The following SLC35D4 variants were observed in gnomAD, a reference collection of about 807,000 sequenced individuals.
SLC35D4 encodes the protein UDP-N-acetylglucosamine transporter SLC35D4.
the SLC35D4 span, among the ~76,000 whole-genome samples, chr18:23,409,474 C>A: frequency 5.3e-5 from 8 of 152,152 alleles, no homozygotes; most frequent in Non-Finnish European, 1.2e-4. Context: ...GTATGGTTAC[C>A]CTTAAATATA....
At chr18:23,299,174 C>T in the SLC35D4 span, among the ~76,000 whole-genome samples, 26 of 152,304 alleles carry the variant, frequency 1.7e-4, no homozygotes, top group African/African-American at 5.8e-4. Flanking sequence ...ATCTTGCGTA[C>T]GTTTTCAGCC....
chr18:23,262,497 G>C, the SLC35D4 span, among the ~76,000 whole-genome samples: 11,557 of 152,304 alleles, frequency 0.076, 610 homozygotes, highest in African/African-American at 0.15. Context: ...CCTCCAGTTT[G>C]CTTGGACTGA....
the SLC35D4 span, among the ~76,000 whole-genome samples, chr18:23,432,892 A>G: frequency 6.7e-6 from 1 of 149,914 alleles, no homozygotes; most frequent in Non-Finnish European, 1.5e-5. Context: ...AGGTGGGAGG[A>G]TCACTTAAGC....
At chr18:23,368,918 T>C in the SLC35D4 span, among the ~76,000 whole-genome samples, 2 of 152,218 alleles carry the variant, frequency 1.3e-5, no homozygotes, top group African/African-American at 4.8e-5. Context: ...TACTAGTTCA[T>C]TTTAAATCAC....
the SLC35D4 span, among the ~76,000 whole-genome samples, chr18:23,431,394 C>A: frequency 6.6e-6 from 1 of 152,118 alleles, no homozygotes; most frequent in Non-Finnish European, 1.5e-5. Flanking sequence ...GTCATTCAGA[C>A]AAGTCCCTGG....
At chr18:23,320,129 A>G in the SLC35D4 span, among the ~76,000 whole-genome samples, 97 of 152,318 alleles carry the variant, frequency 6.4e-4, no homozygotes, top group African/African-American at 2.3e-3. Context: ...TTCTTCTAGA[A>G]CTACAATTCC....
chr18:23,276,294 T>G, the SLC35D4 span, among the ~76,000 whole-genome samples: 1 of 152,058 alleles, frequency 6.6e-6, no homozygotes, highest in East Asian at 1.9e-4. Context: ...TTCACCGTGT[T>G]AGCCAGGATG....
the SLC35D4 span, among the ~76,000 whole-genome samples, chr18:23,289,514 G>A: frequency 2.0e-5 from 3 of 151,920 alleles, no homozygotes; most frequent in South Asian, 2.1e-4. Flanking sequence ...AGGTTCCCAC[G>A]CCATCCCTAA....
chr18:23,376,921 C>G, the SLC35D4 span: 6 of 456,564 alleles, frequency 1.3e-5, no homozygotes, highest in Non-Finnish European at 2.2e-5. Context: ...TTGGTTTTGT[C>G]TTGTTCTTTC....
the SLC35D4 span, among the ~76,000 whole-genome samples, chr18:23,279,231 A>C: frequency 1.3e-5 from 2 of 152,180 alleles, no homozygotes; most frequent in African/African-American, 4.8e-5. Context: ...GGTGAGAAGC[A>C]GGAAGAAGAT....
the SLC35D4 span, among the ~76,000 whole-genome samples, chr18:23,290,470 G>A: frequency 1.3e-5 from 2 of 152,168 alleles, no homozygotes; most frequent in African/African-American, 4.8e-5. Flanking sequence ...CAGACTTCAG[G>A]GAGAACAAAT....
chr18:23,254,167 A>G, the SLC35D4 span, among the ~76,000 whole-genome samples: 12 of 152,206 alleles, frequency 7.9e-5, no homozygotes, highest in African/African-American at 2.9e-4. Flanking sequence ...CTGGCCCTCA[A>G]AGTCCATTCT....
the SLC35D4 span, among the ~76,000 whole-genome samples, chr18:23,387,019 C>T: frequency 6.6e-6 from 1 of 152,182 alleles, no homozygotes; most frequent in South Asian, 2.1e-4. Context: ...AAGCAATTCT[C>T]CTGCCTTAGC....
chr18:23,341,165 T>G, the SLC35D4 span, among the ~76,000 whole-genome samples: 29,039 of 152,222 alleles, frequency 0.19, 2,928 homozygotes, highest in Admixed American at 0.29. Flanking sequence ...CATGCCCAAA[T>G]TTACCAAAAT....
At chr18:23,289,430 A>G in the SLC35D4 span, among the ~76,000 whole-genome samples, 2 of 152,164 alleles carry the variant, frequency 1.3e-5, no homozygotes, top group Admixed American at 6.6e-5. Flanking sequence ...CTAAATGACA[A>G]ATGTTTCTTC....
the SLC35D4 span, among the ~76,000 whole-genome samples, chr18:23,433,978 T>C: frequency 6.6e-6 from 1 of 152,188 alleles, no homozygotes; most frequent in Non-Finnish European, 1.5e-5. Flanking sequence ...CATAGTAGGA[T>C]ATGCTCATAG....
At chr18:23,393,921 A>G in the SLC35D4 span, among the ~76,000 whole-genome samples, 1 of 152,140 alleles carries the variant, frequency 6.6e-6, no homozygotes, top group African/African-American at 2.4e-5. Flanking sequence ...GCCCAGCCCC[A>G]TTGTTTGTAT....
At chr18:23,371,549 T>C in the SLC35D4 span, 13 of 1,173,502 alleles carry the variant, frequency 1.1e-5, no homozygotes, top group Admixed American at 1.2e-4. Context: ...TCAGAAAACC[T>C]GTCATCAATG....
At chr18:23,286,466 C>A in the SLC35D4 span, among the ~76,000 whole-genome samples, 1 of 152,170 alleles carries the variant, frequency 6.6e-6, no homozygotes, top group African/African-American at 2.4e-5. Flanking sequence ...GTCCCTGGGA[C>A]TCTGGCCCAA....
Sources: allele counts gnomAD v4.1 joint callset (sites outside exome capture counted in the v4.1 genomes callset), GRCh38; gene constraint gnomAD v4.1.1; transcripts MANE v1.5; gene names NCBI Gene and HGNC (gene_info 2026-07-23, HGNC 2026-07-21).